Variants in PTK2 observed in about 807,000 individuals in gnomAD.
PTK2 encodes the protein focal adhesion kinase 1.
In PTK2, 45 loss-of-function variants were observed where a neutral mutation model predicts 150.1. The ratio of observed to expected loss-of-function variants is 0.30; its 90% CI spans 0.24 to 0.38. The LOEUF is 0.38. PTK2 is among the 10% of genes least tolerant of loss of function. The pLI is 1.00. For synonymous variants in PTK2, 432 were observed against 449.2 expected, an observed-to-expected ratio of 0.96 and a Z score of 0.48; for missense variants, 919 against 1,307.3, an observed-to-expected ratio of 0.70 and a Z score of 4.58.
chr8:140,808,582 C>G (rs188775646), intron 10 of PTK2, among the ~76,000 whole-genome samples: 8 of 152,152 alleles, frequency 5.3e-5, no homozygotes, highest in Admixed American at 5.2e-4. Context: ...ATCATATTAC[C>G]TGCTCATAAG....
At chr8:140,899,378 A>G (rs2100157559) in intron 2 of PTK2, among the ~76,000 whole-genome samples, 1 of 152,256 alleles carries the variant, frequency 6.6e-6, no homozygotes, top group Non-Finnish European at 1.5e-5. Context: ...TACAGAGACT[A>G]TTGTGAACAA....
At chr8:140,880,772 C>A (rs534488196) in intron 3 of PTK2, among the ~76,000 whole-genome samples, 3 of 152,090 alleles carry the variant, frequency 2.0e-5, no homozygotes, top group Non-Finnish European at 4.4e-5. Flanking sequence ...AAAGATAAAT[C>A]GTAACATGTA....
chr8:140,672,171 A>G, intron 29 of PTK2: 2 of 454,092 alleles, frequency 4.4e-6, no homozygotes, highest in Non-Finnish European at 8.8e-6. Flanking sequence ...ATGAAAATAA[A>G]TAATTCATTA....
chr8:140,906,436 C>G (rs2100160894), intron 2 of PTK2, among the ~76,000 whole-genome samples: 1 of 152,132 alleles, frequency 6.6e-6, no homozygotes, highest in South Asian at 2.1e-4. Context: ...GATATGGAAT[C>G]CACATGGACA....
intron 13 of PTK2, among the ~76,000 whole-genome samples, chr8:140,790,935 C>T (rs1228992669): frequency 6.6e-6 from 1 of 152,100 alleles, no homozygotes; most frequent in Non-Finnish European, 1.5e-5. Context: ...TGGGGTTTTC[C>T]CTTGTCTGCG....
At chr8:140,739,080 C>G in exon 21 of PTK2, 1 of 1,556,666 alleles carries the variant, frequency 6.4e-7, no homozygotes, top group Non-Finnish European at 8.7e-7. Flanking sequence ...TGGAGCCATC[C>G]ATTTAATAGG....
At chr8:140,697,369 G>A (rs1272548151) in intron 26 of PTK2, among the ~76,000 whole-genome samples, 1 of 151,136 alleles carries the variant, frequency 6.6e-6, no homozygotes, top group Non-Finnish European at 1.5e-5. Context: ...CCACAAACAT[G>A]CTCTGCTTTG....
At chr8:140,902,931 T>G (rs11776453) in intron 2 of PTK2, among the ~76,000 whole-genome samples, 5,447 of 16,470 alleles carry the variant, frequency 0.33, 325 homozygotes, top group African/African-American at 0.43. Flanking sequence ...GTTGTTTTTT[T>G]TTTTTTTTTT....
intron 14 of PTK2, among the ~76,000 whole-genome samples, chr8:140,778,984 G>A (rs1350087387): frequency 1.3e-5 from 2 of 152,058 alleles, no homozygotes; most frequent in African/African-American, 4.8e-5. Context: ...GCTGGGGCTG[G>A]GCACAGTGGG....
intron 1 of PTK2, among the ~76,000 whole-genome samples, chr8:140,984,711 T>A (rs2100192682): frequency 6.6e-6 from 1 of 152,052 alleles, no homozygotes; most frequent in Admixed American, 6.6e-5. Flanking sequence ...AAAGTGGCCC[T>A]AACCTTTCCT....
At chr8:140,838,822 T>C (rs543169004) in intron 7 of PTK2, among the ~76,000 whole-genome samples, 47 of 151,998 alleles carry the variant, frequency 3.1e-4, no homozygotes, top group East Asian at 1.4e-3. Flanking sequence ...CTGGCTAACA[T>C]GGTGAAATCC....
chr8:140,756,921 G>A (rs1385453385), intron 16 of PTK2, among the ~76,000 whole-genome samples: 1 of 151,536 alleles, frequency 6.6e-6, no homozygotes, highest in Non-Finnish European at 1.5e-5. Context: ...CCCGGGAGGC[G>A]GAGCTTGCAG....
chr8:140,782,261 G>A (rs867822447), intron 14 of PTK2, among the ~76,000 whole-genome samples: 12 of 150,050 alleles, frequency 8.0e-5, no homozygotes, highest in Admixed American at 6.0e-4. Context: ...TTTTGGGGGG[G>A]GGGACAGGGT....
At chr8:140,962,448 A>C (rs1278367211) in intron 1 of PTK2, among the ~76,000 whole-genome samples, 4 of 152,164 alleles carry the variant, frequency 2.6e-5, no homozygotes, top group African/African-American at 9.7e-5. Context: ...TCAGTATACT[A>C]TGCCTACTAC....
chr8:140,780,979 A>G (rs1470724142), intron 14 of PTK2, among the ~76,000 whole-genome samples: 1 of 152,108 alleles, frequency 6.6e-6, no homozygotes, highest in Non-Finnish European at 1.5e-5. Flanking sequence ...AGTTTTAAAA[A>G]CTCAAAATTC....
At chr8:140,724,104 T>C (rs2100044450) in intron 22 of PTK2, among the ~76,000 whole-genome samples, 1 of 152,230 alleles carries the variant, frequency 6.6e-6, no homozygotes, top group South Asian at 2.1e-4. Flanking sequence ...AGTGTTTTTC[T>C]TCAAGCTGTC....
chr8:140,807,532 G>A (rs543848619), intron 10 of PTK2, among the ~76,000 whole-genome samples: 2 of 152,320 alleles, frequency 1.3e-5, no homozygotes, highest in Admixed American at 1.3e-4. Context: ...ACTTGAGAAG[G>A]AGAATCTGAG....
chr8:140,990,748 C>G (rs1197083886), intron 1 of PTK2, among the ~76,000 whole-genome samples: 1 of 152,122 alleles, frequency 6.6e-6, no homozygotes, highest in African/African-American at 2.4e-5. Context: ...CTTTCATATA[C>G]TTAAATACCC....
chr8:140,840,557 A>G (rs1289541764), intron 7 of PTK2, among the ~76,000 whole-genome samples: 1 of 152,180 alleles, frequency 6.6e-6, no homozygotes, highest in African/African-American at 2.4e-5. Flanking sequence ...GGGTTAGATA[A>G]GTTTAAAATC....
Sources: allele counts gnomAD v4.1 joint callset (sites outside exome capture counted in the v4.1 genomes callset), GRCh38; gene constraint gnomAD v4.1.1; transcripts MANE v1.5; gene names NCBI Gene and HGNC (gene_info 2026-07-23, HGNC 2026-07-21).